Variants in SBF2 observed in about 807,000 individuals in gnomAD.
The protein encoded by SBF2 is SET binding factor 2.
Under a neutral mutation model 225.2 loss-of-function variants are expected in SBF2, and 112 were observed. The observed-to-expected ratio is 0.50, with a 90% CI of 0.43 to 0.58. The LOEUF (loss-of-function observed/expected upper bound fraction) is 0.58, where lower values mean the gene tolerates loss of function less well. Among genes scored for constraint, SBF2 ranks in the 20% least tolerant of loss-of-function variants. The probability of loss-of-function intolerance (pLI) is 0.00; values close to 1 mark genes in which losing one functional copy is unlikely to be tolerated. For missense variants in SBF2, 1,996 were observed against 2,206.2 expected (o/e 0.90, Z 1.91); for synonymous variants, 763 against 773.3 (o/e 0.99, Z 0.22).
intron 1 of SBF2, among the ~76,000 whole-genome samples, chr11:10,247,555 G>A (rs910006222): frequency 1.1e-4 from 17 of 151,300 alleles, no homozygotes; most frequent in Non-Finnish European, 1.3e-4. Context: ...TTAGCCAGGC[G>A]TGGTGGCAGT....
chr11:10,286,166 GCACACACACA>G (rs57445416), intron 1 of SBF2, among the ~76,000 whole-genome samples: 21 of 147,356 alleles, frequency 1.4e-4, no homozygotes, highest in Non-Finnish European at 2.8e-4. Flanking sequence ...ACACGCACAC[GCACACACACA>G]CACACACACA....
chr11:9,993,182 G>A (rs1015707799), intron 10 of SBF2, 79 bp from the exon 11 acceptor site: 1 of 1,019,730 alleles, frequency 9.8e-7, no homozygotes, highest in Admixed American at 1.7e-5. Context: ...GGTGAAAAGG[G>A]CATATATTCC....
At chr11:10,242,383 GA>G (rs994355867) in intron 1 of SBF2, among the ~76,000 whole-genome samples, 15 of 150,090 alleles carry the variant, frequency 1.0e-4, no homozygotes, top group Non-Finnish European at 2.1e-4. Context: ...AAGATAAAAA[GA>G]AAAAAAAGTA....
chr11:10,142,301 G>C (rs1954683909), intron 2 of SBF2, among the ~76,000 whole-genome samples: 1 of 152,132 alleles, frequency 6.6e-6, no homozygotes, highest in African/African-American at 2.4e-5. Flanking sequence ...TTTTTACTCT[G>C]TATTTTTCAA....
chr11:10,221,726 T>C (rs541271265), intron 1 of SBF2, among the ~76,000 whole-genome samples: 6 of 152,140 alleles, frequency 3.9e-5, no homozygotes, highest in Admixed American at 6.6e-5. Context: ...AATATAAAAA[T>C]CAGGCACTGA....
At chr11:10,220,954 T>A (rs117550819) in intron 1 of SBF2, among the ~76,000 whole-genome samples, 1 of 152,164 alleles carries the variant, frequency 6.6e-6, no homozygotes, top group South Asian at 2.1e-4. Context: ...GAATCACCTC[T>A]TCTAGAAAGC....
chr11:10,163,718 T>C (rs1008460496), intron 2 of SBF2, among the ~76,000 whole-genome samples: 2 of 152,138 alleles, frequency 1.3e-5, no homozygotes, highest in Non-Finnish European at 2.9e-5. Flanking sequence ...ATTTAATAGA[T>C]ACATAAGGAT....
intron 16 of SBF2, among the ~76,000 whole-genome samples, chr11:9,905,255 C>T (rs1484696930): frequency 3.3e-5 from 5 of 152,144 alleles, no homozygotes; most frequent in Admixed American, 3.3e-4. Context: ...TATGTCTCTT[C>T]ACTAGATTAT....
intron 2 of SBF2, among the ~76,000 whole-genome samples, chr11:10,045,381 G>A (rs1416922640): frequency 6.6e-6 from 1 of 152,024 alleles, no homozygotes; most frequent in Non-Finnish European, 1.5e-5. Flanking sequence ...TGGCCAGGCT[G>A]GTCTTGAACT....
At chr11:10,118,745 C>T (rs1953286934) in intron 2 of SBF2, among the ~76,000 whole-genome samples, 1 of 151,856 alleles carries the variant, frequency 6.6e-6, no homozygotes. Context: ...TCTAAAATTT[C>T]CCTAGAGGAA....
At chr11:10,124,725 T>C (rs1489198339) in intron 2 of SBF2, among the ~76,000 whole-genome samples, 3 of 152,136 alleles carry the variant, frequency 2.0e-5, no homozygotes, top group Admixed American at 6.5e-5. Flanking sequence ...GGCTTTCTCA[T>C]TAACTGAGGA....
chr11:10,049,230 T>C (rs1949977079), intron 2 of SBF2, among the ~76,000 whole-genome samples: 1 of 152,222 alleles, frequency 6.6e-6, no homozygotes, highest in African/African-American at 2.4e-5. Context: ...AAAAGATGGT[T>C]ATTTTTCATA....
chr11:9,992,582 T>A, intron 11 of SBF2, 39 bp from the exon 12 acceptor site: 1 of 1,597,004 alleles, frequency 6.3e-7, no homozygotes, highest in South Asian at 1.1e-5. Context: ...ATTTATCACT[T>A]GGTAACGGAC....
At chr11:9,949,162 CT>C (rs1370016439) in intron 16 of SBF2, among the ~76,000 whole-genome samples, 3 of 152,058 alleles carry the variant, frequency 2.0e-5, no homozygotes, top group Non-Finnish European at 4.4e-5. Flanking sequence ...AAAAATTTTA[CT>C]TTTTAGTTGT....
At chr11:9,971,094 T>A (rs1400548397) in intron 13 of SBF2, among the ~76,000 whole-genome samples, 1 of 152,138 alleles carries the variant, frequency 6.6e-6, no homozygotes, top group Non-Finnish European at 1.5e-5. Context: ...GGTATCTTTT[T>A]TTTCAGGCTG....
intron 2 of SBF2, among the ~76,000 whole-genome samples, chr11:10,067,255 A>G (rs1950660480): frequency 6.6e-6 from 1 of 152,244 alleles, no homozygotes; most frequent in Non-Finnish European, 1.5e-5. Flanking sequence ...AGGGCTGGCC[A>G]ACTTGATATT....
chr11:10,074,596 A>G (rs976280179), intron 2 of SBF2, among the ~76,000 whole-genome samples: 2 of 152,136 alleles, frequency 1.3e-5, no homozygotes, highest in African/African-American at 2.4e-5. Flanking sequence ...TAAGTGTTTT[A>G]TATTATTTTA....
intron 1 of SBF2, among the ~76,000 whole-genome samples, chr11:10,293,540 G>T (rs79213601): frequency 3.9e-5 from 6 of 152,196 alleles, no homozygotes; most frequent in Non-Finnish European, 7.3e-5. Flanking sequence ...CAGCACAGGG[G>T]TGAGTTAGCA....
At chr11:10,130,435 T>C (rs957149554) in intron 2 of SBF2, among the ~76,000 whole-genome samples, 1 of 152,154 alleles carries the variant, frequency 6.6e-6, no homozygotes, top group African/African-American at 2.4e-5. Context: ...TTTTAGTTTT[T>C]ATTTTAAAAT....
Sources: allele counts gnomAD v4.1 joint callset (sites outside exome capture counted in the v4.1 genomes callset), GRCh38; gene constraint gnomAD v4.1.1; transcripts MANE v1.5; gene names NCBI Gene and HGNC (gene_info 2026-07-23, HGNC 2026-07-21).